The following RALGAPA2 variants were observed in gnomAD, a reference collection of about 807,000 sequenced individuals.
RALGAPA2 encodes ral GTPase-activating protein subunit alpha-2.
Under a neutral mutation model 230.4 loss-of-function variants are expected in RALGAPA2, and 139 were observed. That is an observed-to-expected ratio of 0.60 (90% confidence interval 0.53 to 0.69). The LOEUF (loss-of-function observed/expected upper bound fraction) is 0.69. RALGAPA2 is among the 30% of genes least tolerant of loss of function. The pLI is 0.00. For missense variants in RALGAPA2, 2,163 were observed against 2,276.0 expected (o/e 0.95, Z 1.01); for synonymous variants, 847 against 837.8 (o/e 1.01, Z -0.19).
At chr20:20,488,390 CTCCTGCAAT>C (rs1190833360) in intron 36 of RALGAPA2, among the ~76,000 whole-genome samples, 1 of 152,212 alleles carries the variant, frequency 6.6e-6, no homozygotes, top group African/African-American at 2.4e-5. Context: ...CACACTAAGC[CTCCTGCAAT>C]TGGTGAATTA....
chr20:20,624,612 G>A (rs2066434096), intron 10 of RALGAPA2, among the ~76,000 whole-genome samples: 1 of 151,994 alleles, frequency 6.6e-6, no homozygotes. Context: ...GTAACTAGAG[G>A]GGGCTAAAGA....
At position 20,712,603 on chromosome 20, in the gene RALGAPA2, T is replaced by TGCCGCCGACGCCGCC; in HGVS notation, c.-124_-123insGGCGGCGTCGGCGGC. On this transcript the variant is annotated 5_prime_UTR_variant, in exon 1 of 40. Transcript: ENST00000202677. The surrounding 1 kb of genome is among the most constrained non-coding windows in gnomAD (Gnocchi z 5.5). ...CACTCGCCGCCCCCAGCCCCGCTGC[T>TGCCGCCGACGCCGCC]GCCGCCGCCGCCGCCGCCGCCGCCG... 1 of 1,179,242 alleles carries TGCCGCCGACGCCGCC rather than the reference T, an allele frequency of 8.5e-7. No individual in the cohort carries two copies. Among genetic ancestry groups the TGCCGCCGACGCCGCC allele is most frequent in the South Asian group, 3.8e-5 (1 of 26,250 alleles). 73.0% of individuals were successfully genotyped at this position (1,179,242 alleles called of 1,614,324 possible).
chr20:20,531,614 C>T, intron 27 of RALGAPA2, 73 bp downstream of exon 27: 1 of 1,217,868 alleles, frequency 8.2e-7, no homozygotes, highest in Non-Finnish European at 1.2e-6. Context: ...AAAGATGGGG[C>T]TAATTCAAAC....
chr20:20,516,542 TCGA>T (rs1191998878), intron 31 of RALGAPA2, among the ~76,000 whole-genome samples: 1 of 152,198 alleles, frequency 6.6e-6, no homozygotes, highest in Non-Finnish European at 1.5e-5. Context: ...CCTGAGCCTG[TCGA>T]AGTTAAAGTT....
In RALGAPA2 at chr20:20,640,875, T is replaced by A. The variant is rs372862728; in HGVS notation, c.376A>T (p.Arg126Ter). 1.4e-5 allele frequency: 22 copies of A among 1,605,746 alleles called. No individual in the cohort carries two copies. Among genetic ancestry groups the A allele is most frequent in the Non-Finnish European group, 1.6e-5 (19 of 1,174,116 alleles). ...LLHTGNSIKI[R>*]CEGIRLFLLW... ...AGAAACAGCCTGATTCCTTCACATC[T>A]TATCTAAAACAAAATTAAAAACAAT... Residue 126 changes from arginine to a stop codon, truncating the protein, a stop_gained, in exon 6 of 40, where the codon AGA becomes TGA. Transcript: ENST00000202677. LOFTEE classifies it high-confidence loss of function.
intron 33 of RALGAPA2, among the ~76,000 whole-genome samples, chr20:20,509,784 T>C (rs181733278): frequency 1.2e-3 from 184 of 152,350 alleles, no homozygotes; most frequent in South Asian, 4.6e-3. Flanking sequence ...CTTAATACCA[T>C]ATGCTTCTGA....
At chr20:20,504,140 T>G (rs2062460183) in intron 34 of RALGAPA2, among the ~76,000 whole-genome samples, 1 of 152,220 alleles carries the variant, frequency 6.6e-6, no homozygotes, top group African/African-American at 2.4e-5. Flanking sequence ...AAGAATCTCT[T>G]CTGTGCCAAA....
chr20:20,560,672 C>A (rs1347013077), intron 23 of RALGAPA2, among the ~76,000 whole-genome samples: 1 of 152,206 alleles, frequency 6.6e-6, no homozygotes, highest in Non-Finnish European at 1.5e-5. Context: ...ATTCAAAAAT[C>A]ATTCCTCTCC....
chr20:20,679,954 A>C (rs1285323550), intron 2 of RALGAPA2, among the ~76,000 whole-genome samples: 1 of 152,262 alleles, frequency 6.6e-6, no homozygotes, highest in African/African-American at 2.4e-5. Context: ...CCCACAGACT[A>C]CATGAAAATG....
chr20:20,668,649 G>A (rs566580598), intron 3 of RALGAPA2, among the ~76,000 whole-genome samples: 17 of 152,264 alleles, frequency 1.1e-4, no homozygotes, highest in African/African-American at 3.9e-4. Context: ...GATAACACAA[G>A]GCAGGGCTAT....
intron 38 of RALGAPA2, among the ~76,000 whole-genome samples, chr20:20,400,732 C>T (rs547443404): frequency 9.2e-5 from 14 of 152,170 alleles, no homozygotes; most frequent in African/African-American, 1.4e-4. Flanking sequence ...ACAGAGGACC[C>T]GAACATTCAC....
intron 31 of RALGAPA2, among the ~76,000 whole-genome samples, chr20:20,519,067 A>T (rs996886792): frequency 6.6e-6 from 1 of 152,248 alleles, no homozygotes; most frequent in East Asian, 1.9e-4. Flanking sequence ...ACCATGTACC[A>T]TCCACCACCA....
chr20:20,604,898 T>C (rs909980191), intron 15 of RALGAPA2, among the ~76,000 whole-genome samples: 1 of 152,210 alleles, frequency 6.6e-6, no homozygotes, highest in Non-Finnish European at 1.5e-5. Flanking sequence ...AAAGAGATAA[T>C]ATGTACAATG....
chr20:20,672,970 G>A (rs2068187200), intron 3 of RALGAPA2, among the ~76,000 whole-genome samples: 1 of 151,974 alleles, frequency 6.6e-6, no homozygotes, highest in South Asian at 2.1e-4. Flanking sequence ...GGATCACAAG[G>A]TCAAGAGATC....
intron 37 of RALGAPA2, among the ~76,000 whole-genome samples, chr20:20,449,640 C>T (rs1385627541): frequency 6.6e-6 from 1 of 151,986 alleles, no homozygotes; most frequent in Admixed American, 6.6e-5. Flanking sequence ...TTGTTAAGCC[C>T]TTAACTTTTT....
rs183215000 is a variant in RALGAPA2 at position 20,536,866 on chromosome 20, T to A, written c.3286-82A>T. ...AATAAGTGACATGTTTTACTCTTCA[T>A]CCTAGATAAAAAATACCAAACTTGG... On this transcript the variant is annotated intron_variant, in intron 24 of 39. Transcript: ENST00000202677. The A allele has an allele frequency of 1.6e-4, 222 of 1,418,034 alleles. No individual in the cohort carries two copies. The African/African-American group carries it at 2.8e-3, about 18-fold the overall frequency. 87.8% of individuals were successfully genotyped at this position (1,418,034 alleles called of 1,614,324 possible).
At chr20:20,524,958 T>C in intron 28 of RALGAPA2, 60 bp from the exon 29 acceptor site, 6 of 1,469,444 alleles carry the variant, frequency 4.1e-6, no homozygotes, top group Non-Finnish European at 5.6e-6. Context: ...TGTAAGCCTA[T>C]GTTAGGAGTC....
chr20:20,587,340 G>A (rs1270178696), intron 18 of RALGAPA2, among the ~76,000 whole-genome samples: 1 of 151,996 alleles, frequency 6.6e-6, no homozygotes, highest in Non-Finnish European at 1.5e-5. Flanking sequence ...CAAGAATCAA[G>A]ATAAGAAACA....
intron 4 of RALGAPA2, among the ~76,000 whole-genome samples, chr20:20,649,236 C>T (rs1603196069): frequency 6.6e-6 from 1 of 152,158 alleles, no homozygotes; most frequent in African/African-American, 2.4e-5. Context: ...AAACCCTGCT[C>T]TCTCAGGAAG....
Sources: allele counts gnomAD v4.1 joint callset (sites outside exome capture counted in the v4.1 genomes callset), GRCh38; gene constraint gnomAD v4.1.1; non-coding constraint Gnocchi (gnomAD v3.1); transcripts MANE v1.5; gene names NCBI Gene and HGNC (gene_info 2026-07-23, HGNC 2026-07-21).